The following GPR176 variants were observed in gnomAD, a reference collection of about 807,000 sequenced individuals.
The protein encoded by GPR176 is G protein-coupled receptor 176.
GPR176 carries 26 observed loss-of-function variants against 35.4 expected under a neutral mutation model. The ratio of observed to expected loss-of-function variants is 0.74; its 90% CI spans 0.54 to 1.02. The LOEUF (loss-of-function observed/expected upper bound fraction) is 1.02. Among genes scored for constraint, GPR176 ranks in the 50% least tolerant of loss-of-function variants. GPR176 has a pLI of 0.00. For synonymous variants in GPR176, 278 were observed against 271.3 expected (o/e 1.02, Z -0.24); for missense variants, 597 against 665.3 (o/e 0.90, Z 1.13).
chr15:39,841,406 C>T (rs952947731), intron 1 of GPR176, among the ~76,000 whole-genome samples: 2 of 137,200 alleles, frequency 1.5e-5, no homozygotes, highest in African/African-American at 5.4e-5. Flanking sequence ...TAGAGCAAAT[C>T]AAGTAATAAT....
At chr15:39,802,337 G>A in intron 2 of GPR176, 83 bp from the exon 3 acceptor site, 2 of 1,071,094 alleles carry the variant, frequency 1.9e-6, no homozygotes, top group African/African-American at 1.6e-5. Context: ...GTAGATGAGA[G>A]GGAAGAAAGG....
At chr15:39,832,654 A>AACACAAACACACAC (rs1555405048) in intron 1 of GPR176, among the ~76,000 whole-genome samples, 1 of 145,126 alleles carries the variant, frequency 6.9e-6, no homozygotes, top group Non-Finnish European at 1.5e-5. Context: ...TGATGAGCTA[A>AACACAAACACACAC]ACACACACAC....
chr15:39,802,807 T>G (rs538437191), intron 2 of GPR176, among the ~76,000 whole-genome samples: 2 of 152,340 alleles, frequency 1.3e-5, no homozygotes, highest in South Asian at 4.1e-4. Context: ...AGAACCAGTA[T>G]GAAGAATGGA....
At chr15:39,861,854 G>A (rs1566954769) in intron 1 of GPR176, among the ~76,000 whole-genome samples, 2 of 152,192 alleles carry the variant, frequency 1.3e-5, no homozygotes, top group Admixed American at 6.5e-5. Flanking sequence ...ATCTTAAGAC[G>A]ACTGTTGCAG....
intron 1 of GPR176, among the ~76,000 whole-genome samples, chr15:39,839,907 A>T (rs895317673): frequency 2.0e-5 from 3 of 152,228 alleles, no homozygotes; most frequent in Non-Finnish European, 4.4e-5. Flanking sequence ...GTCATTAGAG[A>T]AATGCAAATC....
At chr15:39,831,959 G>A (rs567550389) in intron 1 of GPR176, among the ~76,000 whole-genome samples, 1 of 151,116 alleles carries the variant, frequency 6.6e-6, no homozygotes, top group African/African-American at 2.4e-5. Context: ...TCCCAGAATT[G>A]GTCCTGCTCC....
In GPR176 at chr15:39,825,832, C is replaced by A. The variant is rs148097525; in HGVS notation, c.173-18574G>T. On this transcript the variant is annotated intron_variant, in intron 1 of 2. Transcript: ENST00000561100. Reference sequence around the variant, plus strand: ...TTGGTGGAGACCCAGAAGGAGTAGTCCTGTGCCCAGTACCCAGTGCTTCAT... The same window carrying A: ...TTGGTGGAGACCCAGAAGGAGTAGTACTGTGCCCAGTACCCAGTGCTTCAT... 1.4e-3 allele frequency among the ~76,000 whole-genome samples: 219 copies of A among 152,274 alleles called. 4 individuals carry two copies. The East Asian group carries it at 0.041, about 29-fold the overall frequency.
At chr15:39,818,217 GC>G (rs1900044345) in intron 1 of GPR176, among the ~76,000 whole-genome samples, 1 of 152,122 alleles carries the variant, frequency 6.6e-6, no homozygotes. Flanking sequence ...ACTAATACCT[GC>G]CCAACTCAGT....
chr15:39,889,932 C>T (rs2032811257), intron 1 of GPR176, among the ~76,000 whole-genome samples: 1 of 152,178 alleles, frequency 6.6e-6, no homozygotes, highest in South Asian at 2.1e-4. Flanking sequence ...CTCCATCTAC[C>T]CAAGGCCTAT....
chr15:39,891,421 C>T (rs1395756871), intron 1 of GPR176, among the ~76,000 whole-genome samples: 3 of 151,990 alleles, frequency 2.0e-5, no homozygotes, highest in Admixed American at 6.5e-5. Context: ...TGCAGTGGTG[C>T]GTAGCTCACT....
intron 1 of GPR176, among the ~76,000 whole-genome samples, chr15:39,843,066 G>A (rs1233438318): frequency 6.6e-6 from 1 of 151,994 alleles, no homozygotes; most frequent in African/African-American, 2.4e-5. Flanking sequence ...AGTGGTGGGG[G>A]GAGCTTTCTT....
chr15:39,810,315 G>A (rs1899467483), intron 1 of GPR176, among the ~76,000 whole-genome samples: 1 of 152,156 alleles, frequency 6.6e-6, no homozygotes, highest in South Asian at 2.1e-4. Context: ...AATAGTCAAA[G>A]ATAGTGGATG....
At chr15:39,818,841 C>A (rs530422270) in intron 1 of GPR176, among the ~76,000 whole-genome samples, 1 of 152,314 alleles carries the variant, frequency 6.6e-6, no homozygotes, top group East Asian at 1.9e-4. Flanking sequence ...ATTGATAACT[C>A]TCCTCCTTAT....
intron 1 of GPR176, among the ~76,000 whole-genome samples, chr15:39,879,450 A>G (rs1335498524): frequency 1.3e-5 from 2 of 152,172 alleles, no homozygotes; most frequent in Non-Finnish European, 2.9e-5. Context: ...GGTCTATTGA[A>G]ATGTTCAGGC....
intron 1 of GPR176, among the ~76,000 whole-genome samples, chr15:39,898,699 G>T (rs1261833598): frequency 6.6e-6 from 1 of 152,164 alleles, no homozygotes; most frequent in Non-Finnish European, 1.5e-5. Flanking sequence ...AAGCCAGAGG[G>T]AATGAGGAGC....
chr15:39,888,857 T>C lies in GPR176; in HGVS notation c.172+30998A>G, dbSNP rs1027608202. On this transcript the variant is annotated intron_variant, in intron 1 of 2. Transcript: ENST00000561100. ...TGATAACTTTTAATGAGACAGGTAATTGTTTGCGATAAACAGTCACCTCCT... is the reference window on the plus strand; with the variant it reads ...TGATAACTTTTAATGAGACAGGTAACTGTTTGCGATAAACAGTCACCTCCT... 2.0e-5 allele frequency among the ~76,000 whole-genome samples: 3 copies of C among 152,194 alleles called. No individual in the cohort carries two copies. The East Asian group carries it at 5.8e-4, about 29-fold the overall frequency.
chr15:39,864,415 G>A (rs2031738548), intron 1 of GPR176, among the ~76,000 whole-genome samples: 1 of 152,128 alleles, frequency 6.6e-6, no homozygotes, highest in African/African-American at 2.4e-5. Context: ...TTCAACAAAT[G>A]CCGCTGGGAA....
chr15:39,913,953 G>A (rs182669487), intron 1 of GPR176, among the ~76,000 whole-genome samples: 2 of 152,284 alleles, frequency 1.3e-5, no homozygotes, highest in East Asian at 3.9e-4. Flanking sequence ...GGCTGAGGCA[G>A]GAGAATGGCG....
intron 1 of GPR176, among the ~76,000 whole-genome samples, chr15:39,859,490 T>TG (rs1445091302): frequency 9.6e-5 from 5 of 52,334 alleles, no homozygotes; most frequent in African/African-American, 2.4e-4. Context: ...ATGGCCACTG[T>TG]GAAAAAAAAA....
Sources: gnomAD v4.1 joint callset for allele counts (sites outside exome capture counted in the v4.1 genomes callset) on GRCh38, gnomAD v4.1.1 for gene constraint, MANE v1.5 for transcripts, NCBI Gene and HGNC (gene_info 2026-07-23, HGNC 2026-07-21) for gene names.